The following JADE2 variants were observed in gnomAD, a reference collection of about 807,000 sequenced individuals.
The protein encoded by JADE2 is jade family PHD finger 2.
In JADE2, 13 loss-of-function variants were observed where a neutral mutation model predicts 85.7. The ratio of observed to expected loss-of-function variants is 0.15; its 90% CI spans 0.10 to 0.24. The LOEUF is 0.24. Among genes scored for constraint, JADE2 ranks in the 10% least tolerant of loss-of-function variants. The pLI is 1.00. For synonymous variants in JADE2, 440 were observed against 456.1 expected (o/e 0.96, Z 0.45); for missense variants, 846 against 1,115.9 (o/e 0.76, Z 3.45).
intron 1 of JADE2, among the ~76,000 whole-genome samples, chr5:134,534,941 A>G (rs1761490891): frequency 6.6e-6 from 1 of 152,174 alleles, no homozygotes; most frequent in African/African-American, 2.4e-5. Context: ...GTGGGAAAAC[A>G]CTTTCAGCAG....
Position 134,578,312 on chromosome 5 carries a change from A to G in JADE2, c.1682-182A>G, listed in dbSNP as rs1422095756. On this transcript the variant is annotated intron_variant, in intron 11 of 11. Transcript: ENST00000681547. The surrounding 1 kb of genome is among the most constrained non-coding windows in gnomAD (Gnocchi z 4.4). ...TCCTTCTGGAGAGAAGCGTATAAGT[A>G]GTCCCTACTCTTTGGTGGTGTTGGC... Among the ~76,000 whole-genome samples, 2 of 152,218 alleles carry G rather than the reference A, an allele frequency of 1.3e-5. No individual in the cohort carries two copies. The highest frequency in any genetic ancestry group is 6.5e-5 in the Admixed American group (1 of 15,284).
intron 1 of JADE2, chr5:134,533,654 C>T (rs1328465688): frequency 3.1e-5 from 27 of 861,318 alleles, no homozygotes; most frequent in African/African-American, 1.1e-4. Flanking sequence ...AGCTGGGTTG[C>T]GCTGGGCTGG....
intron 1 of JADE2, among the ~76,000 whole-genome samples, chr5:134,527,196 C>T (rs1428898049): frequency 6.6e-6 from 1 of 151,574 alleles, no homozygotes; most frequent in Non-Finnish European, 1.5e-5. Flanking sequence ...TTCCCGGCCT[C>T]ACCTCCTTCC....
intron 3 of JADE2, among the ~76,000 whole-genome samples, chr5:134,540,131 G>C (rs979119011): frequency 6.6e-6 from 1 of 152,106 alleles, no homozygotes; most frequent in Non-Finnish European, 1.5e-5. Context: ...GTGCTTAAGC[G>C]CAGCCAAGGA....
intron 1 of JADE2, chr5:134,533,511 G>A (rs1561724141): frequency 1.0e-6 from 1 of 984,786 alleles, no homozygotes; most frequent in East Asian, 1.1e-4. Context: ...AATACTGTGG[G>A]AGATGCTGGC....
At position 134,566,391 on chromosome 5, in the gene JADE2, G is replaced by A. The variant is rs1763644467; in HGVS notation, c.1245G>A (p.Glu415=). ...TGGTGGAGCCGGCTGAGGTGGCTGA[G>A]CGGCTGGACCTGGCTGAGGCACTGG... ...YELVEPAEVA[E]RLDLAEALVD... The change falls in exon 9 of 12, where the codon GAG becomes GAA. Residue 415 remains glutamate, a synonymous_variant. Transcript: ENST00000681547. The surrounding 1 kb of genome is among the most constrained non-coding windows in gnomAD (Gnocchi z 6.7). 1 of 1,613,918 alleles carries A rather than the reference G, an allele frequency of 6.2e-7. No individual in the cohort carries two copies. Among genetic ancestry groups the A allele is most frequent in the Admixed American group, 1.7e-5 (1 of 60,010 alleles).
intron 7 of JADE2, among the ~76,000 whole-genome samples, chr5:134,563,310 T>C (rs1173169392): frequency 6.9e-6 from 1 of 144,370 alleles, no homozygotes; most frequent in African/African-American, 2.5e-5. Context: ...AGAATGAGAC[T>C]GTTTAAAAAA....
intron 1 of JADE2, chr5:134,526,343 AGGGGGCGCGGGCGGGC>A (rs1340215994): frequency 2.0e-6 from 2 of 983,878 alleles, no homozygotes; most frequent in African/African-American, 3.5e-5. Flanking sequence ...CGGGCCGGCG[AGGGGGCGCGGGCGGGC>A]GGGGGCGCGC....
intron 3 of JADE2, among the ~76,000 whole-genome samples, chr5:134,541,163 C>T (rs1198691668): frequency 6.6e-6 from 1 of 152,234 alleles, no homozygotes; most frequent in East Asian, 1.9e-4. Flanking sequence ...CAATGAAGTC[C>T]TCCCCGCCCA....
intron 3 of JADE2, among the ~76,000 whole-genome samples, chr5:134,548,334 A>T (rs1050304748): frequency 1.3e-5 from 2 of 152,224 alleles, no homozygotes; most frequent in Non-Finnish European, 2.9e-5. Flanking sequence ...CACTTCCAGC[A>T]CGCACACCTT....
intron 1 of JADE2, chr5:134,526,519 C>A (rs1406379884): frequency 2.0e-6 from 2 of 985,220 alleles, no homozygotes; most frequent in Admixed American, 6.1e-5. Flanking sequence ...TTTGTTGATA[C>A]GCAGCACGTC....
chr5:134,556,411 A>AACACAC (rs963091982), intron 4 of JADE2, among the ~76,000 whole-genome samples: 2 of 151,450 alleles, frequency 1.3e-5, no homozygotes, highest in African/African-American at 2.4e-5. Flanking sequence ...CCAAGGTCTC[A>AACACAC]ACACACACAC....
In JADE2 at chr5:134,578,819, CAAG is replaced by C; in HGVS notation, c.2012_2014del (p.Lys671del). On this transcript the variant is annotated inframe_deletion, in exon 12 of 12. Coordinates refer to ENST00000681547, the MANE Select transcript of JADE2 (RefSeq NM_001388185.1). This position sits in a 1 kb window ranked among gnomAD's most constrained non-coding sequence, Gnocchi z 4.4. ...CACGGACGACTCCAGACAAAGCCCC[CAAG>C]AAGACCTGGGGCCAGGATGCAGGCA... 1 of 1,613,782 alleles carries C rather than the reference CAAG, an allele frequency of 6.2e-7. No homozygotes were observed. The highest frequency in any genetic ancestry group is 8.5e-7 in the Non-Finnish European group (1 of 1,180,018).
chr5:134,541,267 T>C (rs1259389549), intron 3 of JADE2, among the ~76,000 whole-genome samples: 1 of 152,198 alleles, frequency 6.6e-6, no homozygotes, highest in Admixed American at 6.5e-5. Flanking sequence ...AGTGACAAGG[T>C]TGAGCCGTGG....
At chr5:134,537,951 C>T in intron 2 of JADE2, 38 bp from the exon 3 acceptor site, 1 of 1,488,248 alleles carries the variant, frequency 6.7e-7, no homozygotes, top group East Asian at 2.3e-5. Context: ...GTGCTCCTGG[C>T]CCTCCAGGAC....
intron 4 of JADE2, among the ~76,000 whole-genome samples, chr5:134,557,098 AC>A (rs1762999868): frequency 1.3e-5 from 2 of 152,098 alleles, no homozygotes; most frequent in African/African-American, 2.4e-5. Context: ...ACACACACAC[AC>A]ACAGTGATTA....
intron 10 of JADE2, among the ~76,000 whole-genome samples, chr5:134,576,390 A>G (rs1013521066): frequency 4.1e-4 from 63 of 152,114 alleles, no homozygotes; most frequent in African/African-American, 1.3e-3. Context: ...TTGACCCCTC[A>G]GGTAGTGTTC....
intron 4 of JADE2, among the ~76,000 whole-genome samples, chr5:134,556,957 CACACACCTCACACATCACACAAA>C (rs1762985458): frequency 6.8e-6 from 1 of 147,874 alleles, no homozygotes; most frequent in African/African-American, 2.5e-5. Context: ...ACACACCACA[CACACACCTCACACATCACACAAA>C]ACACACCCCA....
chr5:134,573,904 C>T, intron 10 of JADE2, 142 bp downstream of exon 10: 1 of 742,246 alleles, frequency 1.3e-6, no homozygotes, highest in Non-Finnish European at 2.5e-6. Flanking sequence ...CTACCCTTCA[C>T]CATCCAATTA....
Sources: allele counts gnomAD v4.1 joint callset (sites outside exome capture counted in the v4.1 genomes callset), GRCh38; gene constraint gnomAD v4.1.1; non-coding constraint Gnocchi (gnomAD v3.1); transcripts MANE v1.5; gene names NCBI Gene and HGNC (gene_info 2026-07-23, HGNC 2026-07-21).